Variants in FAT3 observed in about 807,000 individuals in gnomAD.
The protein encoded by FAT3 is protocadherin Fat 3.
A neutral mutation model predicts 310.2 loss-of-function variants in FAT3; 95 were observed. That is an observed-to-expected ratio of 0.31 (90% CI 0.26 to 0.36). FAT3 has a LOEUF of 0.36. FAT3 is among the 10% of genes least tolerant of loss of function. FAT3 has a pLI of 1.00. For missense variants in FAT3, 5,408 were observed against 5,715.6 expected (o/e 0.95, Z 1.74); for synonymous variants, 2,314 against 2,192.9 (o/e 1.06, Z -1.54).
chr11:92,349,293 T>A (rs1437526660), intron 1 of FAT3, among the ~76,000 whole-genome samples: 1 of 152,218 alleles, frequency 6.6e-6, no homozygotes. Context: ...ACTCGCTTAC[T>A]TTACCGTGTT....
chr11:92,874,283 G>A (rs1949470828), intron 22 of FAT3, among the ~76,000 whole-genome samples: 1 of 152,166 alleles, frequency 6.6e-6, no homozygotes, highest in Non-Finnish European at 1.5e-5. Context: ...ACAACATATG[G>A]TAATGCTTGG....
intron 14 of FAT3, among the ~76,000 whole-genome samples, chr11:92,832,578 C>T (rs1324554111): frequency 6.6e-6 from 1 of 152,134 alleles, no homozygotes; most frequent in Non-Finnish European, 1.5e-5. Flanking sequence ...CCCAGGTTGG[C>T]TCCAGGATTT....
intron 3 of FAT3, among the ~76,000 whole-genome samples, chr11:92,542,817 C>T (rs1591427183): frequency 1.3e-5 from 2 of 152,016 alleles, no homozygotes; most frequent in African/African-American, 4.8e-5. Flanking sequence ...AGCTATCCTA[C>T]TACTGGATAG....
intron 3 of FAT3, among the ~76,000 whole-genome samples, chr11:92,590,493 A>T (rs1264315742): frequency 6.6e-6 from 1 of 152,176 alleles, no homozygotes; most frequent in Non-Finnish European, 1.5e-5. Flanking sequence ...CTGAGAAATT[A>T]TGTGAAAGGA....
chr11:92,228,100 T>A (rs1289928510), intron 1 of FAT3, among the ~76,000 whole-genome samples: 1 of 152,156 alleles, frequency 6.6e-6, no homozygotes, highest in Non-Finnish European at 1.5e-5. Flanking sequence ...TGTCCAGTTA[T>A]AATGTCTTCA....
intron 2 of FAT3, among the ~76,000 whole-genome samples, chr11:92,521,699 C>T (rs1392176526): frequency 1.3e-5 from 2 of 152,120 alleles, no homozygotes; most frequent in African/African-American, 4.8e-5. Flanking sequence ...TAGGGTTCTT[C>T]TACATTTAGC....
intron 3 of FAT3, among the ~76,000 whole-genome samples, chr11:92,626,508 C>T (rs1941343739): frequency 6.7e-6 from 1 of 149,690 alleles, no homozygotes; most frequent in Non-Finnish European, 1.5e-5. Flanking sequence ...AACCTTGATG[C>T]TTTTCTTAGT....
At chr11:92,815,729 A>G (rs1947806724) in intron 13 of FAT3, among the ~76,000 whole-genome samples, 1 of 152,218 alleles carries the variant, frequency 6.6e-6, no homozygotes, top group Admixed American at 6.5e-5. Context: ...AAGGTGCTGC[A>G]TGAGCAGAAG....
Position 92,887,057 on chromosome 11 carries a change from G to C in FAT3, c.12995G>C (p.Ser4332Thr). 6.2e-7 allele frequency: 1 copy of C among 1,611,778 alleles called. No homozygotes were observed. Among genetic ancestry groups the C allele is most frequent in the Non-Finnish European group, 8.5e-7 (1 of 1,179,160 alleles). ...VTCFAGSNKG[S>T]NSEVQSLSSF... is the part of the protein sequence containing the mutation. The stretch of plus-strand genomic sequence containing the variant: ...TGCTTTGCAGGTAGTAATAAAGGCA[G>C]CAACTCTGAAGTTCAGTCCCTCAGC... Residue 4332 changes from serine (S) to threonine (T), a missense_variant, in exon 25 of 28, where the codon AGC (serine) becomes ACC (threonine). By Grantham distance (58) the Ser-to-Thr change is moderately conservative (BLOSUM62 1). This residue lies in a region of FAT3 where 649 missense variants were observed against 666.2 expected (regional missense o/e 0.97). Coordinates refer to ENST00000525166, the MANE Select transcript of FAT3 (RefSeq NM_001367949.2).
At chr11:92,384,042 A>G (rs1203177032) in intron 2 of FAT3, among the ~76,000 whole-genome samples, 1 of 152,144 alleles carries the variant, frequency 6.6e-6, no homozygotes, top group Admixed American at 6.5e-5. Context: ...AAAGAAATCC[A>G]TGTGGATTTT....
chr11:92,572,540 C>T (rs867659892), intron 3 of FAT3, among the ~76,000 whole-genome samples: 2 of 152,078 alleles, frequency 1.3e-5, no homozygotes, highest in African/African-American at 4.8e-5. Context: ...AATATTGCAA[C>T]CTTAATGATA....
intron 3 of FAT3, among the ~76,000 whole-genome samples, chr11:92,666,443 C>T (rs1942953071): frequency 6.6e-6 from 1 of 151,380 alleles, no homozygotes; most frequent in African/African-American, 2.4e-5. Context: ...GCTCTGCCTC[C>T]CGGGTTCACG....
intron 4 of FAT3, among the ~76,000 whole-genome samples, chr11:92,718,878 TC>T (rs1208651203): frequency 5.9e-5 from 9 of 152,184 alleles, no homozygotes; most frequent in African/African-American, 2.2e-4. Flanking sequence ...ATCCTAATAA[TC>T]TTAAATTTTA....
intron 1 of FAT3, among the ~76,000 whole-genome samples, chr11:92,244,700 T>C (rs1260415391): frequency 6.6e-6 from 1 of 152,150 alleles, no homozygotes; most frequent in Non-Finnish European, 1.5e-5. Context: ...AGTCTCATAA[T>C]TTCTGATTTA....
At chr11:92,634,044 G>A (rs918404529) in intron 3 of FAT3, among the ~76,000 whole-genome samples, 3 of 152,176 alleles carry the variant, frequency 2.0e-5, no homozygotes, top group Non-Finnish European at 4.4e-5. Context: ...ACAAGGAAGT[G>A]AGACACCTCT....
intron 22 of FAT3, among the ~76,000 whole-genome samples, chr11:92,877,705 T>C (rs1949565251): frequency 1.3e-5 from 2 of 152,208 alleles, no homozygotes; most frequent in Admixed American, 6.5e-5. Context: ...TTTCTATTGC[T>C]ATACTCTTCA....
In FAT3 at chr11:92,697,369, C is replaced by A; in HGVS notation, c.3608-15C>A. The A allele has an allele frequency of 6.2e-7, 1 of 1,612,602 alleles. No individual in the cohort carries two copies. Among genetic ancestry groups the A allele is most frequent in the African/African-American group, 1.3e-5 (1 of 75,012 alleles). On this transcript the variant is annotated splice_polypyrimidine_tract_variant and intron_variant, in intron 3 of 27. Coordinates refer to ENST00000525166, the MANE Select transcript of FAT3 (RefSeq NM_001367949.2). Reference sequence around the variant, plus strand: ...CCCAGATATTTAAAAGTCAAATATTCTCATTTCTACACAGGTCTGATTACA... The same window carrying A: ...CCCAGATATTTAAAAGTCAAATATTATCATTTCTACACAGGTCTGATTACA...
At chr11:92,597,599 G>A (rs1009401507) in intron 3 of FAT3, among the ~76,000 whole-genome samples, 2 of 152,156 alleles carry the variant, frequency 1.3e-5, no homozygotes, top group Non-Finnish European at 2.9e-5. Flanking sequence ...GCCTCCCTGG[G>A]AGGGTGCAGA....
intron 2 of FAT3, among the ~76,000 whole-genome samples, chr11:92,491,399 C>T (rs1023923679): frequency 6.6e-6 from 1 of 151,972 alleles, no homozygotes; most frequent in African/African-American, 2.4e-5. Context: ...AATTGTAAGT[C>T]CCAACATATT....
Sources: allele counts gnomAD v4.1 joint callset (sites outside exome capture counted in the v4.1 genomes callset), GRCh38; gene constraint gnomAD v4.1.1; regional missense constraint gnomAD v4.1.1; transcripts MANE v1.5; gene names NCBI Gene and HGNC (gene_info 2026-07-23, HGNC 2026-07-21).